Variants in PPARGC1B observed in about 807,000 individuals in gnomAD.
PPARGC1B encodes the protein peroxisome proliferator-activated receptor gamma coactivator 1-beta.
Under a neutral mutation model 101.6 loss-of-function variants are expected in PPARGC1B, and 34 were observed. The observed-to-expected ratio is 0.33, with a 90% confidence interval of 0.25 to 0.45. The LOEUF is 0.45. Ranked by LOEUF, PPARGC1B falls within the 20% of genes least tolerant of loss-of-function variation. The pLI, the probability that PPARGC1B is intolerant of heterozygous loss-of-function variation, is 1.00. For synonymous variants in PPARGC1B, 548 were observed against 539.3 expected (o/e 1.02, Z -0.22); for missense variants, 1,234 against 1,317.6 (o/e 0.94, Z 0.98).
At chr5:149,802,333 C>T (rs1381250694) in intron 1 of PPARGC1B, among the ~76,000 whole-genome samples, 1 of 152,176 alleles carries the variant, frequency 6.6e-6, no homozygotes, top group Non-Finnish European at 1.5e-5. Context: ...GTGAGCTGAA[C>T]CGGTTGTGTC....
chr5:149,834,690 C>T lies in PPARGC1B; in HGVS notation c.1722C>T (p.Leu574=), dbSNP rs540977591. The change falls in exon 6 of 12, where the codon CTC becomes CTT. Residue 574 remains leucine, a synonymous_variant. Coordinates refer to ENST00000309241, the MANE Select transcript of PPARGC1B (RefSeq NM_133263.4). ...TCTTTTCAGACTCTCCCAGGTGCCT[C>T]ATGCTGGCCTTGTCACAAAGGTAGA... ...QLPPRDSPRC[L]MLALSQSDPT... 6.2e-7 allele frequency: 1 copy of T among 1,613,518 alleles called. No homozygotes were observed. The highest frequency in any genetic ancestry group is 1.3e-5 in the African/African-American group (1 of 75,048).
intron 1 of PPARGC1B, among the ~76,000 whole-genome samples, chr5:149,775,721 T>A (rs1382785557): frequency 6.6e-6 from 1 of 151,360 alleles, no homozygotes; most frequent in Non-Finnish European, 1.5e-5. Context: ...GCCCACACTC[T>A]TCCCTGTCCT....
At chr5:149,776,372 T>A (rs966719412) in intron 1 of PPARGC1B, among the ~76,000 whole-genome samples, 7 of 152,154 alleles carry the variant, frequency 4.6e-5, no homozygotes, top group African/African-American at 1.7e-4. Context: ...AGGTTTTTTT[T>A]ATTTATTTAT....
At chr5:149,820,727 C>G (rs2113356743) in intron 2 of PPARGC1B, 121 bp downstream of exon 2, 2 of 1,037,022 alleles carry the variant, frequency 1.9e-6, no homozygotes, top group East Asian at 5.1e-5. Flanking sequence ...CCCTCACCCA[C>G]CAAAGCTGTT....
intron 1 of PPARGC1B, among the ~76,000 whole-genome samples, chr5:149,816,601 C>A (rs1319447541): frequency 1.3e-5 from 2 of 152,244 alleles, no homozygotes; most frequent in Non-Finnish European, 2.9e-5. Flanking sequence ...GGACAACTCT[C>A]AGAGCTGCGG....
At chr5:149,819,556 G>A (rs746815915) in intron 1 of PPARGC1B, among the ~76,000 whole-genome samples, 2 of 152,056 alleles carry the variant, frequency 1.3e-5, no homozygotes, top group Non-Finnish European at 2.9e-5. Flanking sequence ...AGGCTGGAGT[G>A]CAGTGGCTCG....
chr5:149,755,990 G>A (rs1350531467), intron 1 of PPARGC1B, among the ~76,000 whole-genome samples: 1 of 152,188 alleles, frequency 6.6e-6, no homozygotes, highest in Non-Finnish European at 1.5e-5. Context: ...CACAGCGGCA[G>A]CAGTCAGGGT....
chr5:149,732,823 C>A, intron 1 of PPARGC1B: 1 of 478,810 alleles, frequency 2.1e-6, no homozygotes, highest in Non-Finnish European at 4.3e-6. Context: ...ACAGAGCCAC[C>A]CAGGGCTCCT....
At chr5:149,841,757 T>C (rs1347702488) in intron 9 of PPARGC1B, among the ~76,000 whole-genome samples, 2 of 152,188 alleles carry the variant, frequency 1.3e-5, no homozygotes, top group African/African-American at 4.8e-5. Flanking sequence ...GGAACTCTCC[T>C]GAAGGTGACG....
At chr5:149,785,353 G>A (rs1441869642) in intron 1 of PPARGC1B, among the ~76,000 whole-genome samples, 1 of 152,166 alleles carries the variant, frequency 6.6e-6, no homozygotes, top group African/African-American at 2.4e-5. Flanking sequence ...GGTGATCTTG[G>A]GCCTCTGTGA....
At chr5:149,831,253 T>C (rs1255339480) in intron 4 of PPARGC1B, among the ~76,000 whole-genome samples, 2 of 152,104 alleles carry the variant, frequency 1.3e-5, no homozygotes, top group African/African-American at 4.8e-5. Flanking sequence ...TTTTCCCCCC[T>C]CAGGGAGCCC....
At chr5:149,802,186 T>C (rs1418001842) in intron 1 of PPARGC1B, among the ~76,000 whole-genome samples, 1 of 152,206 alleles carries the variant, frequency 6.6e-6, no homozygotes, top group Admixed American at 6.5e-5. Flanking sequence ...GTGTAGTGTC[T>C]GCCCTGACCT....
chr5:149,834,186 G>T (rs1758947464), intron 5 of PPARGC1B, among the ~76,000 whole-genome samples: 1 of 152,240 alleles, frequency 6.6e-6, no homozygotes, highest in African/African-American at 2.4e-5. Context: ...TAGCAGTAAT[G>T]ATAACAACAG....
chr5:149,817,998 C>G (rs1268489812), intron 1 of PPARGC1B, among the ~76,000 whole-genome samples: 2 of 152,188 alleles, frequency 1.3e-5, no homozygotes, highest in African/African-American at 4.8e-5. Context: ...GGCTGCATCC[C>G]CACAGTCTGC....
intron 2 of PPARGC1B, among the ~76,000 whole-genome samples, chr5:149,820,861 C>A (rs1758267343): frequency 6.6e-6 from 1 of 152,194 alleles, no homozygotes; most frequent in Non-Finnish European, 1.5e-5. Flanking sequence ...GCCTCCCGAG[C>A]AGAACCAAGC....
chr5:149,780,052 C>G (rs1408886672), intron 1 of PPARGC1B, among the ~76,000 whole-genome samples: 6 of 152,200 alleles, frequency 3.9e-5, no homozygotes, highest in Admixed American at 3.9e-4. Context: ...AAAGGGCTTT[C>G]CACCTAGGGG....
chr5:149,731,045 G>T (rs1754443549), intron 1 of PPARGC1B, among the ~76,000 whole-genome samples: 1 of 152,222 alleles, frequency 6.6e-6, no homozygotes. Context: ...GAGCCCCCTG[G>T]GGGGAAAAGC....
At chr5:149,845,941 C>G in intron 11 of PPARGC1B, 27 bp downstream of exon 11, 1 of 1,614,134 alleles carries the variant, frequency 6.2e-7, no homozygotes, top group Non-Finnish European at 8.5e-7. Flanking sequence ...CAGCCACAGT[C>G]TAGTAAGACT....
chr5:149,807,441 A>C (rs1487219346), intron 1 of PPARGC1B, among the ~76,000 whole-genome samples: 1 of 152,168 alleles, frequency 6.6e-6, no homozygotes, highest in Non-Finnish European at 1.5e-5. Context: ...CATGAGCAAC[A>C]GTCACCCTTT....
Sources: allele counts gnomAD v4.1 joint callset (sites outside exome capture counted in the v4.1 genomes callset), GRCh38; gene constraint gnomAD v4.1.1; transcripts MANE v1.5; gene names NCBI Gene and HGNC (gene_info 2026-07-23, HGNC 2026-07-21).